The following EIF4G3 variants were observed in gnomAD, a reference collection of about 807,000 sequenced individuals.
The protein encoded by EIF4G3 is eukaryotic translation initiation factor 4 gamma 3.
EIF4G3 carries 34 observed loss-of-function variants against 186.4 expected under a neutral mutation model. The observed-to-expected ratio is 0.18, with a 90% CI of 0.14 to 0.24. The LOEUF (loss-of-function observed/expected upper bound fraction) is 0.24, where lower values mean the gene tolerates loss of function less well. Ranked by LOEUF, EIF4G3 falls within the 10% of genes least tolerant of loss-of-function variation. The pLI is 1.00. For synonymous variants in EIF4G3, 673 were observed against 679.5 expected, an observed-to-expected ratio of 0.99 and a Z score of 0.15; for missense variants, 1,536 against 1,948.5, an observed-to-expected ratio of 0.79 and a Z score of 3.99.
At chr1:21,091,320 C>T (rs981830426) in intron 2 of EIF4G3, among the ~76,000 whole-genome samples, 2 of 151,844 alleles carry the variant, frequency 1.3e-5, no homozygotes, top group Non-Finnish European at 1.5e-5. Context: ...CTACCACAGC[C>T]GGCTAATTTT....
chr1:21,018,701 G>A (rs548230199), intron 4 of EIF4G3, among the ~76,000 whole-genome samples: 2 of 152,264 alleles, frequency 1.3e-5, no homozygotes, highest in East Asian at 3.9e-4. Context: ...TCATGAATGA[G>A]TTGCTGCCAT....
intron 33 of EIF4G3, among the ~76,000 whole-genome samples, chr1:20,824,257 T>A (rs2063072986): frequency 6.6e-6 from 1 of 152,238 alleles, no homozygotes. Context: ...TCTTCAGTGT[T>A]CCAGACTACA....
chr1:21,063,527 TGA>T (rs1025774423), intron 3 of EIF4G3, among the ~76,000 whole-genome samples: 1 of 151,920 alleles, frequency 6.6e-6, no homozygotes, highest in Non-Finnish European at 1.5e-5. Context: ...GTTTTAAAAA[TGA>T]GAAGTTGCTT....
intron 2 of EIF4G3, among the ~76,000 whole-genome samples, chr1:21,108,053 C>A (rs1368774558): frequency 2.0e-5 from 3 of 152,164 alleles, no homozygotes; most frequent in South Asian, 4.1e-4. Flanking sequence ...GAGATTGAAG[C>A]GGAAGGATCG....
Position 20,969,344 on chromosome 1 carries a change from A to G in EIF4G3, c.714+130T>C, listed in dbSNP as rs568060777. Reference sequence around the variant, plus strand: ...GAAAAAACATGTCTGTTTAAATACCATTTAGATATTCGAGGCTGCGAGACA... The same window carrying G: ...GAAAAAACATGTCTGTTTAAATACCGTTTAGATATTCGAGGCTGCGAGACA... On this transcript the variant is annotated intron_variant, in intron 12 of 36. Transcript: ENST00000602326. The G allele has an allele frequency of 1.7e-5, 18 of 1,068,844 alleles. No individual in the cohort carries two copies. In the South Asian group the frequency reaches 2.9e-4, roughly 17 times the overall value. 66.2% of individuals were successfully genotyped at this position (1,068,844 alleles called of 1,614,324 possible).
intron 18 of EIF4G3, among the ~76,000 whole-genome samples, chr1:20,887,229 T>C (rs530736738): frequency 2.6e-5 from 4 of 152,246 alleles, no homozygotes; most frequent in East Asian, 1.9e-4. Flanking sequence ...ATTTTTTTTT[T>C]TTTCTTTCTG....
intron 30 of EIF4G3, among the ~76,000 whole-genome samples, chr1:20,831,059 T>A (rs962241983): frequency 6.6e-5 from 10 of 152,330 alleles, no homozygotes; most frequent in African/African-American, 2.4e-4. Flanking sequence ...CCTCTTGGCA[T>A]GTAGTGACCA....
At chr1:21,139,093 T>C (rs1204951251) in intron 2 of EIF4G3, among the ~76,000 whole-genome samples, 1 of 152,092 alleles carries the variant, frequency 6.6e-6, no homozygotes, top group Non-Finnish European at 1.5e-5. Context: ...AATGAAATAT[T>C]CCAAGTTCTA....
chr1:21,136,223 A>G (rs1316643105), intron 2 of EIF4G3, among the ~76,000 whole-genome samples: 2 of 146,562 alleles, frequency 1.4e-5, no homozygotes, highest in Admixed American at 1.3e-4. Context: ...TGCCAAAGGG[A>G]AAAAAAAAGA....
chr1:21,173,239 C>CAGGCTGG (rs1270679198), intron 2 of EIF4G3, among the ~76,000 whole-genome samples: 2 of 151,256 alleles, frequency 1.3e-5, no homozygotes, highest in Non-Finnish European at 2.9e-5. Flanking sequence ...CTCTGTAACC[C>CAGGCTGG]AGGCTGGAGC....
intron 29 of EIF4G3, among the ~76,000 whole-genome samples, chr1:20,845,915 G>C (rs2070830362): frequency 6.6e-6 from 1 of 152,128 alleles, no homozygotes; most frequent in Non-Finnish European, 1.5e-5. Context: ...TTTCATGACA[G>C]TGATTCTTCC....
chr1:21,146,497 A>C (rs966290088), intron 2 of EIF4G3, among the ~76,000 whole-genome samples: 1 of 152,228 alleles, frequency 6.6e-6, no homozygotes, highest in African/African-American at 2.4e-5. Context: ...GGGGTGGCTC[A>C]CACCTGTAAT....
At chr1:20,972,791 T>C (rs536479532) in intron 11 of EIF4G3, among the ~76,000 whole-genome samples, 51 of 152,010 alleles carry the variant, frequency 3.4e-4, no homozygotes, top group Non-Finnish European at 3.8e-4. Flanking sequence ...CAGTGAATAA[T>C]TAAAGATGAT....
intron 2 of EIF4G3, among the ~76,000 whole-genome samples, chr1:21,145,294 T>C (rs563947210): frequency 9.2e-5 from 14 of 151,618 alleles, no homozygotes; most frequent in African/African-American, 3.4e-4. Flanking sequence ...TGACTACTTC[T>C]AGTAGAATCA....
At chr1:20,973,142 T>A (rs2076222044) in intron 10 of EIF4G3, 43 bp from the exon 11 acceptor site, 2 of 1,443,204 alleles carry the variant, frequency 1.4e-6, no homozygotes, top group Non-Finnish European at 1.9e-6. Flanking sequence ...AGTTATTTTG[T>A]CAAACACTAC....
At chr1:20,889,314 C>T (rs1010582445) in intron 18 of EIF4G3, among the ~76,000 whole-genome samples, 2 of 152,016 alleles carry the variant, frequency 1.3e-5, no homozygotes, top group Non-Finnish European at 2.9e-5. Context: ...GACTTTACTC[C>T]TAGGATTCTT....
At chr1:21,119,229 G>C (rs1426310130) in intron 2 of EIF4G3, among the ~76,000 whole-genome samples, 1 of 151,874 alleles carries the variant, frequency 6.6e-6, no homozygotes, top group East Asian at 1.9e-4. Flanking sequence ...GCCATCTTTT[G>C]AGCTGAAATG....
chr1:20,853,919 G>T (rs1039180066), intron 26 of EIF4G3, among the ~76,000 whole-genome samples: 8 of 152,112 alleles, frequency 5.3e-5, no homozygotes, highest in African/African-American at 1.9e-4. Context: ...ATAGTAAACA[G>T]GGGTGGGAGT....
intron 4 of EIF4G3, among the ~76,000 whole-genome samples, chr1:21,025,658 T>G (rs866385959): frequency 1.3e-5 from 2 of 152,220 alleles, no homozygotes; most frequent in South Asian, 4.1e-4. Flanking sequence ...TGGCCTTATT[T>G]TATTCTCTCA....
Sources: gnomAD v4.1 joint callset for allele counts (sites outside exome capture counted in the v4.1 genomes callset) on GRCh38, gnomAD v4.1.1 for gene constraint, MANE v1.5 for transcripts, NCBI Gene and HGNC (gene_info 2026-07-23, HGNC 2026-07-21) for gene names.